ACO2: variants seen among roughly 807,000 people sequenced by gnomAD.
ACO2 encodes aconitase 2, also known as aconitate hydratase, mitochondrial.
A neutral mutation model predicts 84.5 loss-of-function variants in ACO2; 31 were observed. The ratio of observed to expected loss-of-function variants is 0.37; its 90% confidence interval spans 0.28 to 0.50. The LOEUF (loss-of-function observed/expected upper bound fraction) is 0.50, where lower values mean the gene tolerates loss of function less well. Ranked by LOEUF, ACO2 falls within the 20% of genes least tolerant of loss-of-function variation. ACO2 has a pLI of 0.97. For synonymous variants in ACO2, 414 were observed against 412.7 expected (o/e 1.00, Z -0.04); for missense variants, 685 against 1,029.3 (o/e 0.67, Z 4.58).
chr22:41,480,428 A>ATTCC (rs1002737797), intron 1 of ACO2, among the ~76,000 whole-genome samples: 1 of 152,118 alleles, frequency 6.6e-6, no homozygotes, highest in Non-Finnish European at 1.5e-5. Flanking sequence ...TTCCATTTCA[A>ATTCC]TTCCAAGATG....
rs1014227486 is a variant in ACO2 at position 41,499,668 on chromosome 22, C to T, written c.37-58C>T. 23 of 1,574,160 alleles carry T rather than the reference C, an allele frequency of 1.5e-5. No individual in the cohort carries two copies. In the Admixed American group the frequency reaches 1.8e-4, roughly 12 times the overall value. Reference sequence around the variant, plus strand: ...TTTTTTCACCATACTGAGCTGCCCTCGGGGATGGACTCTCCTAAGTGCTCC... The same window carrying T: ...TTTTTTCACCATACTGAGCTGCCCTTGGGGATGGACTCTCCTAAGTGCTCC... On this transcript the variant is annotated intron_variant, in intron 1 of 17. Coordinates refer to ENST00000216254, the MANE Select transcript of ACO2 (RefSeq NM_001098.3).
chr22:41,525,769 C>T (rs2066580646), intron 14 of ACO2: 1 of 222,288 alleles, frequency 4.5e-6, no homozygotes, highest in South Asian at 8.7e-5. Context: ...TATGGGATGG[C>T]TTGTGTTTGG....
intron 1 of ACO2, among the ~76,000 whole-genome samples, chr22:41,484,872 T>TA (rs1491396464): frequency 7.3e-6 from 1 of 136,358 alleles, no homozygotes; most frequent in Non-Finnish European, 1.6e-5. Flanking sequence ...GAGTCAGCTC[T>TA]TTTTTTTTTT....
At chr22:41,510,540 A>T (rs1359896460) in intron 3 of ACO2, among the ~76,000 whole-genome samples, 1 of 152,188 alleles carries the variant, frequency 6.6e-6, no homozygotes, top group African/African-American at 2.4e-5. Flanking sequence ...AGTGTATCTC[A>T]TCAAGGGTCC....
At position 41,514,334 on chromosome 22, in the gene ACO2, A is replaced by C. The variant is rs117531961; in HGVS notation, c.526-1043A>C. On this transcript the variant is annotated intron_variant, in intron 4 of 17. Transcript: ENST00000216254. Reference sequence around the variant, plus strand: ...ACCTCAGGTGAAGGCTCTTGCTGCAAAACAATAAATAAAAATGTTGCTTCC... The same window carrying C: ...ACCTCAGGTGAAGGCTCTTGCTGCACAACAATAAATAAAAATGTTGCTTCC... Among the ~76,000 whole-genome samples, 1,128 of 152,340 alleles carry C rather than the reference A, an allele frequency of 7.4e-3. 13 individuals are homozygous for C. The highest frequency in any genetic ancestry group is 0.011 in the Non-Finnish European group (721 of 68,024).
rs183818944 is a variant in ACO2 at position 41,485,020 on chromosome 22, G to A, written c.37-14706G>A. 7.9e-5 allele frequency among the ~76,000 whole-genome samples: 12 copies of A among 151,688 alleles called. No homozygotes were observed. In the East Asian group the frequency reaches 2.0e-3, roughly 25 times the overall value. On this transcript the variant is annotated intron_variant, in intron 1 of 17. Coordinates refer to ENST00000216254, the MANE Select transcript of ACO2 (RefSeq NM_001098.3). Reference sequence around the variant, plus strand: ...CTCCTGAGTAGCTGGGATTATAGGCGTGTGCGACCACACTCTGCTAATTTT... The same window carrying A: ...CTCCTGAGTAGCTGGGATTATAGGCATGTGCGACCACACTCTGCTAATTTT...
chr22:41,503,712 A>G (rs1431032859), intron 2 of ACO2, among the ~76,000 whole-genome samples: 1 of 151,992 alleles, frequency 6.6e-6, no homozygotes, highest in East Asian at 1.9e-4. Context: ...CCATTTGGTG[A>G]TGTCTAGAGA....
At chr22:41,526,562 A>G (rs1288063279) in intron 15 of ACO2, 109 bp downstream of exon 15, 2 of 1,269,100 alleles carry the variant, frequency 1.6e-6, no homozygotes, top group East Asian at 4.9e-5. Context: ...AGGCCGACCA[A>G]GCCCAAAGGG....
chr22:41,472,001 G>T (rs537098329), intron 1 of ACO2, among the ~76,000 whole-genome samples: 2 of 152,288 alleles, frequency 1.3e-5, no homozygotes, highest in South Asian at 4.1e-4. Context: ...TTTCAATCAT[G>T]TAATAGTTGT....
rs912375583 is a variant in ACO2 at position 41,498,910 on chromosome 22, G to A, written c.37-816G>A. On this transcript the variant is annotated intron_variant, in intron 1 of 17. Coordinates refer to ENST00000216254, the MANE Select transcript of ACO2 (RefSeq NM_001098.3). ...GGAGTTTGAGACCAGCCTGGCCAAC[G>A]TGGTGAAACCCCGTCTCTACTAAAA... Among the ~76,000 whole-genome samples, 6 of 152,040 alleles carry A rather than the reference G, an allele frequency of 3.9e-5. No individual in the cohort carries two copies. The South Asian group carries it at 1.0e-3, about 26-fold the overall frequency.
chr22:41,480,671 A>T (rs60239624), intron 1 of ACO2, among the ~76,000 whole-genome samples: 2,367 of 152,156 alleles, frequency 0.016, 53 homozygotes, highest in African/African-American at 0.053. Context: ...TTTCGTATAT[A>T]TTTTTTGTAA....
chr22:41,493,431 C>T (rs2066289193), intron 1 of ACO2, among the ~76,000 whole-genome samples: 1 of 152,142 alleles, frequency 6.6e-6, no homozygotes, highest in South Asian at 2.1e-4. Context: ...ACATTTCATG[C>T]ACTACAGCCT....
chr22:41,478,108 A>G (rs1778895465), intron 1 of ACO2, among the ~76,000 whole-genome samples: 2 of 152,018 alleles, frequency 1.3e-5, no homozygotes, highest in South Asian at 2.1e-4. Flanking sequence ...TGTTCCTCCC[A>G]TCATCTCCCC....
In ACO2 at chr22:41,526,327, C is replaced by T. The variant is rs2066595161; in HGVS notation, c.1827C>T (p.His609=). ...GCCCCTGGCTCAAGTTCCGTGGGCA[C>T]TTGGATAACATCTCCAACAACCTGC... is the stretch of plus-strand genomic sequence containing the variant. The part of the protein sequence containing the change: ...AAGPWLKFRG[H]LDNISNNLLI... Residue 609 remains histidine, a synonymous_variant, in exon 15 of 18, where the codon CAC becomes CAT. Transcript: ENST00000216254. The T allele has an allele frequency of 6.2e-7, 1 of 1,613,100 alleles. No individual in the cohort carries two copies. The highest frequency in any genetic ancestry group is 8.5e-7 in the Non-Finnish European group (1 of 1,180,032).
At chr22:41,516,343 C>T (rs551155382) in intron 6 of ACO2, among the ~76,000 whole-genome samples, 1 of 152,330 alleles carries the variant, frequency 6.6e-6, no homozygotes, top group East Asian at 1.9e-4. Flanking sequence ...GAAGTTCGAG[C>T]CTCACTCACT....
At chr22:41,481,356 C>T (rs1380118610) in intron 1 of ACO2, among the ~76,000 whole-genome samples, 1 of 152,168 alleles carries the variant, frequency 6.6e-6, no homozygotes, top group East Asian at 1.9e-4. Context: ...GAGACCTGGC[C>T]TCTCCCGGAC....
intron 1 of ACO2, among the ~76,000 whole-genome samples, chr22:41,482,381 C>T (rs2038099050): frequency 1.3e-5 from 2 of 152,212 alleles, no homozygotes; most frequent in Non-Finnish European, 2.9e-5. Context: ...TAGGCAGGCC[C>T]CTTCCTGTCT....
intron 1 of ACO2, among the ~76,000 whole-genome samples, chr22:41,497,891 TAAAA>T (rs1387150995): frequency 6.8e-6 from 1 of 146,512 alleles, no homozygotes; most frequent in South Asian, 2.2e-4. Context: ...TAAAAAAAAA[TAAAA>T]AAAATATTGG....
rs2146139889 is a variant in ACO2 at position 41,525,205 on chromosome 22, G to A, written c.1618G>A (p.Gly540Arg). 2 of 1,614,082 alleles carry A rather than the reference G, an allele frequency of 1.2e-6. No homozygotes were observed. The highest frequency in any genetic ancestry group is 1.1e-5 in the South Asian group (1 of 91,078). Residue 540 changes from glycine (G) to arginine (R), a missense_variant, in exon 14 of 18, where the codon GGG (glycine) becomes AGG (arginine). Transcript: ENST00000216254. ...DELPKGEFDP[G>R]QDTYQHPPKD... ...TTCCCTGCTGCAGGAGTTTGACCCA[G>A]GGCAGGACACCTACCAGCACCCACC...
Sources: allele counts gnomAD v4.1 joint callset (sites outside exome capture counted in the v4.1 genomes callset), GRCh38; gene constraint gnomAD v4.1.1; transcripts MANE v1.5; gene names NCBI Gene and HGNC (gene_info 2026-07-23, HGNC 2026-07-21).